The following DMD variants were observed in gnomAD, a reference collection of about 807,000 sequenced individuals.
The protein encoded by DMD is dystrophin.
In DMD, 63 loss-of-function variants were observed where a neutral mutation model predicts 330.1. The observed-to-expected ratio is 0.19, with a 90% CI of 0.16 to 0.24. The LOEUF is 0.24. Among genes scored for constraint, DMD ranks in the 10% least tolerant of loss-of-function variants. The pLI is 1.00. For synonymous variants in DMD, 1,223 were observed against 959.8 expected (o/e 1.27, Z -5.07); for missense variants, 3,344 against 2,684.1 (o/e 1.25, Z -5.43).
intron 12 of DMD, among the ~76,000 whole-genome samples, chrX:32,613,642 C>T (rs2057343435): frequency 9.1e-6 from 1 of 110,399 alleles, no homozygotes; most frequent in African/African-American, 3.3e-5. Context: ...AAATCGTAGC[C>T]TTATTATTTA....
chrX:32,948,113 G>C (rs866142270), intron 2 of DMD, among the ~76,000 whole-genome samples: 3 of 95,970 alleles, frequency 3.1e-5, no homozygotes, highest in Non-Finnish European at 6.4e-5. Context: ...GAGAGAAACA[G>C]ACACACACAC....
intron 1 of DMD, among the ~76,000 whole-genome samples, chrX:33,066,460 AAAAG>A (rs1434258261): frequency 1.6e-5 from 1 of 63,957 alleles, no homozygotes; most frequent in Non-Finnish European, 2.5e-5. Context: ...AAAAAAAAAA[AAAAG>A]GAAGGAAGGA....
intron 1 of DMD, among the ~76,000 whole-genome samples, chrX:33,163,624 C>CTATCTATCTATGTATCTATGTATCTATG (rs1426522462): frequency 1.2e-5 from 1 of 82,842 alleles, no homozygotes; most frequent in African/African-American, 4.1e-5. Flanking sequence ...CTATCTCTAT[C>CTATCTATCTATGTATCTATGTATCTATG]TATCTATCTA....
intron 60 of DMD, among the ~76,000 whole-genome samples, chrX:31,376,536 A>G (rs987786012): frequency 8.9e-6 from 1 of 112,083 alleles, no homozygotes. Context: ...GCAGGACAAA[A>G]GAATATACAG....
chrX:31,595,857 C>T (rs1294464958), intron 55 of DMD, among the ~76,000 whole-genome samples: 1 of 109,632 alleles, frequency 9.1e-6, no homozygotes, highest in Non-Finnish European at 1.9e-5. Context: ...CAAACAGAAG[C>T]TGGTACCAGA....
At chrX:32,731,183 C>A (rs749955587) in intron 7 of DMD, among the ~76,000 whole-genome samples, 196 of 112,120 alleles carry the variant, frequency 1.7e-3, no homozygotes, top group African/African-American at 5.9e-3. Flanking sequence ...CACACCCACC[C>A]GAATACTGCG....
At chrX:33,146,811 A>T in intron 1 of DMD, among the ~76,000 whole-genome samples, 1 of 110,896 alleles carries the variant, frequency 9.0e-6, no homozygotes, top group South Asian at 3.8e-4. Context: ...TTTGTTGAAG[A>T]CAAATTAATA....
intron 2 of DMD, among the ~76,000 whole-genome samples, chrX:32,949,965 C>CA (rs201823049): frequency 1.4e-3 from 108 of 74,924 alleles, no homozygotes; most frequent in Non-Finnish European, 2.1e-3. Flanking sequence ...GGTGCAGAGG[C>CA]AAAAAAAAAA....
intron 55 of DMD, among the ~76,000 whole-genome samples, chrX:31,548,974 G>A (rs761788717): frequency 3.1e-4 from 34 of 110,208 alleles, no homozygotes; most frequent in African/African-American, 1.0e-3. Context: ...TTAAAAATAT[G>A]CCAGTTAAAT....
intron 9 of DMD, among the ~76,000 whole-genome samples, chrX:32,653,615 G>A (rs1332431256): frequency 9.0e-6 from 1 of 111,625 alleles, no homozygotes; most frequent in Non-Finnish European, 1.9e-5. Flanking sequence ...TTGTTCTTTT[G>A]GCTTAGGATT....
At chrX:32,968,227 G>A (rs1228742713) in intron 2 of DMD, among the ~76,000 whole-genome samples, 4 of 96,274 alleles carry the variant, frequency 4.2e-5, no homozygotes, top group Admixed American at 3.4e-4. Flanking sequence ...CTTTACTTGA[G>A]CTGTTTCCAA....
chrX:31,733,142 T>A (rs1037984292), intron 51 of DMD, among the ~76,000 whole-genome samples: 1 of 111,144 alleles, frequency 9.0e-6, no homozygotes, highest in Non-Finnish European at 1.9e-5. Context: ...GGAAAAAAAA[T>A]TCTTCAAATA....
intron 43 of DMD, among the ~76,000 whole-genome samples, chrX:32,240,770 A>G (rs950221945): frequency 2.7e-5 from 3 of 111,372 alleles, no homozygotes; most frequent in Non-Finnish European, 5.7e-5. Context: ...TCCAAATGCC[A>G]AAAGTTGTTT....
At chrX:32,266,117 G>A (rs773059499) in intron 43 of DMD, among the ~76,000 whole-genome samples, 3 of 112,053 alleles carry the variant, frequency 2.7e-5, no homozygotes, top group South Asian at 7.4e-4. Flanking sequence ...GAGGGACCCA[G>A]TTGGAGGTAA....
At chrX:31,813,179 C>T (rs750269394) in intron 50 of DMD, among the ~76,000 whole-genome samples, 4 of 111,970 alleles carry the variant, frequency 3.6e-5, no homozygotes, top group South Asian at 3.7e-4. Flanking sequence ...GAAGCCTATA[C>T]GAGGCATGCT....
chrX:32,172,265 A>G (rs77336761), intron 44 of DMD, among the ~76,000 whole-genome samples: 5,253 of 111,846 alleles, frequency 0.047, 122 homozygotes, highest in Middle Eastern at 0.074. Flanking sequence ...TAAAAAATTT[A>G]TCAGGTCATT....
At chrX:32,881,168 A>C (rs2083909215) in intron 2 of DMD, among the ~76,000 whole-genome samples, 1 of 112,447 alleles carries the variant, frequency 8.9e-6, no homozygotes, top group South Asian at 3.7e-4. Context: ...ACTGTATGAA[A>C]GAGCCTATTG....
At chrX:31,126,823 A>T in intron 77 of DMD, 150 bp from the exon 78 acceptor site, 1 of 424,400 alleles carries the variant, frequency 2.4e-6, no homozygotes. Flanking sequence ...AAAAAAAAAA[A>T]ACAGAAACAA....
rs1868622246 is a variant in DMD, at chrX:31,810,944, G to T, written c.7309+9031C>A. ...TGTTAAATAGCATAAGAAGGTTAAA[G>T]TAAGTTTACTGTAATTAACATTTTA... On this transcript the variant is annotated intron_variant, in intron 50 of 78. Coordinates refer to ENST00000357033, the MANE Select transcript of DMD (RefSeq NM_004006.3). Among the ~76,000 whole-genome samples the T allele has an allele frequency of 4.5e-5, 5 of 111,786 alleles. No individual in the cohort carries two copies. In the Admixed American group the frequency reaches 4.8e-4, roughly 11 times the overall value.
Sources: gnomAD v4.1 joint callset for allele counts (sites outside exome capture counted in the v4.1 genomes callset) on GRCh38, gnomAD v4.1.1 for gene constraint, MANE v1.5 for transcripts, NCBI Gene and HGNC (gene_info 2026-07-23, HGNC 2026-07-21) for gene names.